The following CDKAL1 variants were observed in gnomAD, a reference collection of about 807,000 sequenced individuals.
CDKAL1 encodes the protein CDKAL1 threonylcarbamoyladenosine tRNA methylthiotransferase.
A neutral mutation model predicts 68.2 loss-of-function variants in CDKAL1; 32 were observed. The observed-to-expected ratio is 0.47, with a 90% CI of 0.35 to 0.63. The LOEUF is 0.63. Among genes scored for constraint, CDKAL1 ranks in the 30% least tolerant of loss-of-function variants. CDKAL1 has a pLI of 0.00. For missense variants in CDKAL1, 606 were observed against 696.7 expected, an observed-to-expected ratio of 0.87 and a Z score of 1.47; for synonymous variants, 234 against 244.3, an observed-to-expected ratio of 0.96 and a Z score of 0.39.
chr6:20,603,921 C>T (rs72830645), intron 4 of CDKAL1, among the ~76,000 whole-genome samples: 51,265 of 150,930 alleles, frequency 0.34, 9,213 homozygotes, highest in East Asian at 0.53. Flanking sequence ...GGATTACAGG[C>T]GCTTGCCACC....
chr6:21,158,949 A>T (rs955468033), intron 13 of CDKAL1, among the ~76,000 whole-genome samples: 1 of 152,180 alleles, frequency 6.6e-6, no homozygotes, highest in African/African-American at 2.4e-5. Flanking sequence ...ATAATTATAC[A>T]TGATGTAGCT....
chr6:20,840,106 T>C (rs1002971466), intron 8 of CDKAL1, among the ~76,000 whole-genome samples: 1 of 152,240 alleles, frequency 6.6e-6, no homozygotes, highest in East Asian at 1.9e-4. Flanking sequence ...CTTGGCTGGC[T>C]GTATAACTTT....
chr6:20,951,544 C>T (rs1294189019), intron 9 of CDKAL1, among the ~76,000 whole-genome samples: 1 of 152,184 alleles, frequency 6.6e-6, no homozygotes, highest in Non-Finnish European at 1.5e-5. Flanking sequence ...TGTGTTTCAT[C>T]TACAGGCTGG....
chr6:21,107,330 G>A (rs905323602), intron 12 of CDKAL1, among the ~76,000 whole-genome samples: 1 of 152,206 alleles, frequency 6.6e-6, no homozygotes, highest in African/African-American at 2.4e-5. Context: ...CTAAGGAGCA[G>A]GGGATGGAGA....
intron 11 of CDKAL1, among the ~76,000 whole-genome samples, chr6:21,019,189 T>C (rs968212772): frequency 6.6e-6 from 1 of 152,192 alleles, no homozygotes; most frequent in Admixed American, 6.5e-5. Context: ...CCTCAAGTAA[T>C]CTGCCCACCT....
chr6:21,105,559 C>G (rs1267535965), intron 12 of CDKAL1, among the ~76,000 whole-genome samples: 3 of 152,130 alleles, frequency 2.0e-5, no homozygotes, highest in Non-Finnish European at 4.4e-5. Context: ...AATATCAGGT[C>G]CAACTGCTTA....
chr6:20,577,260 G>GT (rs1446842494), intron 4 of CDKAL1, among the ~76,000 whole-genome samples: 29 of 152,286 alleles, frequency 1.9e-4, no homozygotes, highest in Middle Eastern at 3.4e-3. Context: ...AGAGAATAAG[G>GT]ACCAGTTATA....
chr6:20,601,499 A>G (rs1766094052), intron 4 of CDKAL1, among the ~76,000 whole-genome samples: 1 of 152,188 alleles, frequency 6.6e-6, no homozygotes, highest in Admixed American at 6.5e-5. Context: ...TATAAGGAAG[A>G]AAAATAAACT....
intron 9 of CDKAL1, among the ~76,000 whole-genome samples, chr6:20,860,936 T>A (rs1285734279): frequency 8.2e-5 from 12 of 145,606 alleles, no homozygotes; most frequent in Admixed American, 8.2e-4. Flanking sequence ...GTGGTCTATT[T>A]TTTTTTTTTT....
chr6:20,613,985 GT>G (rs5874774), intron 4 of CDKAL1, among the ~76,000 whole-genome samples: 39,202 of 151,748 alleles, frequency 0.26, 6,098 homozygotes, highest in East Asian at 0.53. Context: ...TGTATCATGA[GT>G]TTTTTTTGAT....
intron 12 of CDKAL1, among the ~76,000 whole-genome samples, chr6:21,099,135 A>G (rs1191700905): frequency 6.6e-6 from 1 of 152,194 alleles, no homozygotes; most frequent in Non-Finnish European, 1.5e-5. Context: ...ACTGGAACCC[A>G]CACCTCAGTA....
chr6:21,046,279 T>C (rs1770224568), intron 11 of CDKAL1, among the ~76,000 whole-genome samples: 1 of 152,222 alleles, frequency 6.6e-6, no homozygotes. Flanking sequence ...TTGCAGTGTC[T>C]TGATATTCTG....
At chr6:20,945,223 C>G (rs1490324344) in intron 9 of CDKAL1, among the ~76,000 whole-genome samples, 1 of 152,078 alleles carries the variant, frequency 6.6e-6, no homozygotes, top group Non-Finnish European at 1.5e-5. Context: ...CCAAAATGCT[C>G]TAAAATCTGA....
intron 13 of CDKAL1, among the ~76,000 whole-genome samples, chr6:21,183,855 G>A (rs1454818204): frequency 7.2e-5 from 11 of 152,112 alleles, no homozygotes; most frequent in Non-Finnish European, 1.6e-4. Context: ...TTGTAAACCA[G>A]AAATAAAATT....
At chr6:21,137,348 T>C (rs1205608505) in intron 13 of CDKAL1, among the ~76,000 whole-genome samples, 2 of 152,240 alleles carry the variant, frequency 1.3e-5, no homozygotes, top group Admixed American at 6.5e-5. Context: ...TTATGAGTTA[T>C]TTCACTTATT....
At chr6:20,828,938 G>A (rs756926094) in intron 8 of CDKAL1, among the ~76,000 whole-genome samples, 1 of 152,100 alleles carries the variant, frequency 6.6e-6, no homozygotes, top group Non-Finnish European at 1.5e-5. Context: ...GAATCGTATA[G>A]TGTTTGTCAT....
At chr6:20,550,331 G>A in intron 4 of CDKAL1, among the ~76,000 whole-genome samples, 1 of 152,154 alleles carries the variant, frequency 6.6e-6, no homozygotes, top group Admixed American at 6.6e-5. Context: ...TTATCCTGTG[G>A]ATATAGTCTG....
intron 12 of CDKAL1, among the ~76,000 whole-genome samples, chr6:21,098,355 T>C (rs1016225799): frequency 6.6e-6 from 1 of 152,000 alleles, no homozygotes; most frequent in Non-Finnish European, 1.5e-5. Context: ...TGGGAGACTG[T>C]AGGGGGAATG....
chr6:20,957,085 A>G (rs1237507166), intron 10 of CDKAL1, among the ~76,000 whole-genome samples: 3 of 151,750 alleles, frequency 2.0e-5, no homozygotes, highest in African/African-American at 7.3e-5. Context: ...AATGTGAGGC[A>G]TACATCGTGA....
Sources: gnomAD v4.1 joint callset for allele counts (sites outside exome capture counted in the v4.1 genomes callset) on GRCh38, gnomAD v4.1.1 for gene constraint, MANE v1.5 for transcripts, NCBI Gene and HGNC (gene_info 2026-07-23, HGNC 2026-07-21) for gene names.